FAM240B: variants seen among roughly 807,000 people sequenced by gnomAD.
FAM240B encodes protein FAM240B.
At chr9:38,710,802 T>C (rs1319027667) in intron 1 of FAM240B, among the ~76,000 whole-genome samples, 1 of 152,200 alleles carries the variant, frequency 6.6e-6, no homozygotes, top group African/African-American at 2.4e-5. Context: ...ATGCCTTTTA[T>C]TCTTCAAAGT....
chr9:38,718,194 A>T (rs911631616), intron 1 of FAM240B, among the ~76,000 whole-genome samples: 1 of 152,170 alleles, frequency 6.6e-6, no homozygotes, highest in African/African-American at 2.4e-5. Flanking sequence ...TGGACATTTG[A>T]ATTAATTCCT....
chr9:38,709,981 T>C (rs1161505555), intron 1 of FAM240B, among the ~76,000 whole-genome samples: 1 of 152,152 alleles, frequency 6.6e-6, no homozygotes, highest in Admixed American at 6.5e-5. Context: ...TGTCTTTTTG[T>C]TGTTGTTGAG....
At chr9:38,714,382 A>G (rs1001086584) in intron 1 of FAM240B, among the ~76,000 whole-genome samples, 1 of 152,226 alleles carries the variant, frequency 6.6e-6, no homozygotes. Context: ...CATCAAAGAT[A>G]TGTCTCTAAA....
chr9:38,695,826 G>A (rs1051784740), intron 2 of FAM240B, among the ~76,000 whole-genome samples: 9 of 152,194 alleles, frequency 5.9e-5, no homozygotes, highest in African/African-American at 2.2e-4. Flanking sequence ...CATCATCAAG[G>A]CAGTGAACAA....
chr9:38,703,351 T>C (rs1821151965), intron 2 of FAM240B, among the ~76,000 whole-genome samples: 1 of 152,202 alleles, frequency 6.6e-6, no homozygotes, highest in Non-Finnish European at 1.5e-5. Context: ...AGCCACCTCC[T>C]TGTCTAACTC....
At chr9:38,698,617 C>T (rs1463248359) in intron 2 of FAM240B, among the ~76,000 whole-genome samples, 1 of 152,180 alleles carries the variant, frequency 6.6e-6, no homozygotes, top group African/African-American at 2.4e-5. Flanking sequence ...ATTTTTCATT[C>T]ACAGGTGCTT....
chr9:38,701,573 A>G (rs547123421), intron 2 of FAM240B, among the ~76,000 whole-genome samples: 1 of 152,176 alleles, frequency 6.6e-6, no homozygotes, highest in Non-Finnish European at 1.5e-5. Context: ...CTCGAGGCTG[A>G]AGGAGAGACC....
chr9:38,701,452 AG>A (rs1298633692), intron 2 of FAM240B, among the ~76,000 whole-genome samples: 1 of 152,144 alleles, frequency 6.6e-6, no homozygotes, highest in Non-Finnish European at 1.5e-5. Flanking sequence ...TTTTTTGTTC[AG>A]CAAAAATAAC....
intron 2 of FAM240B, among the ~76,000 whole-genome samples, chr9:38,696,173 C>T (rs1022596393): frequency 3.9e-5 from 6 of 152,044 alleles, no homozygotes; most frequent in Non-Finnish European, 2.9e-5. Context: ...GCACATATTA[C>T]AGGAAAATCA....
intron 2 of FAM240B, among the ~76,000 whole-genome samples, chr9:38,701,325 TGCTCA>T (rs1821124950): frequency 6.6e-6 from 1 of 152,184 alleles, no homozygotes; most frequent in South Asian, 2.1e-4. Flanking sequence ...TCAAACTATT[TGCTCA>T]GCTCAGCGGG....
intron 1 of FAM240B, among the ~76,000 whole-genome samples, chr9:38,704,887 C>A (rs562497003): frequency 6.6e-6 from 1 of 152,244 alleles, no homozygotes. Context: ...GAACCTAGGT[C>A]TGTCCATCTT....
intron 2 of FAM240B, among the ~76,000 whole-genome samples, chr9:38,698,530 A>G (rs1488615633): frequency 6.6e-6 from 1 of 152,240 alleles, no homozygotes; most frequent in Non-Finnish European, 1.5e-5. Flanking sequence ...ACTTGTAAAC[A>G]TATGTATGTA....
chr9:38,710,025 A>G (rs1821236261), intron 1 of FAM240B, among the ~76,000 whole-genome samples: 1 of 152,176 alleles, frequency 6.6e-6, no homozygotes, highest in South Asian at 2.1e-4. Flanking sequence ...GCTGGAGTGC[A>G]GTGGCTCGAT....
intron 1 of FAM240B, among the ~76,000 whole-genome samples, chr9:38,712,960 C>A (rs1202470008): frequency 6.6e-6 from 1 of 152,168 alleles, no homozygotes; most frequent in Non-Finnish European, 1.5e-5. Flanking sequence ...AAAATAAAGA[C>A]TAGTTAGCAT....
chr9:38,705,368 T>C (rs1368602471), intron 1 of FAM240B: 1 of 152,348 alleles, frequency 6.6e-6, no homozygotes, highest in Non-Finnish European at 1.5e-5. Context: ...GGCGGGCGGA[T>C]CACGAGGTCA....
chr9:38,709,954 C>T (rs1005264569), intron 1 of FAM240B, among the ~76,000 whole-genome samples: 1 of 152,094 alleles, frequency 6.6e-6, no homozygotes, highest in African/African-American at 2.4e-5. Flanking sequence ...TTCAGGGGAG[C>T]GTGTATGTGC....
intron 1 of FAM240B, among the ~76,000 whole-genome samples, chr9:38,710,958 C>A (rs911893575): frequency 2.6e-5 from 4 of 152,082 alleles, no homozygotes; most frequent in Non-Finnish European, 4.4e-5. Context: ...CTCCCAAGCC[C>A]GTGTCATCAC....
chr9:38,707,604 T>TA lies in FAM240B; in HGVS notation c.-3-3603dup, dbSNP rs1389678737. On this transcript the variant is annotated intron_variant, in intron 1 of 2. Coordinates refer to ENST00000637493, the MANE Select transcript of FAM240B (RefSeq NM_001394922.1). ...TTACACGATGAAACCCCGTCTCTAC[T>TA]AAAAAAAACAAAAAAAAAAAACAAA... Among the ~76,000 whole-genome samples, 111 of 104,210 alleles carry TA rather than the reference T, an allele frequency of 1.1e-3. 1 individual carries two copies. The highest frequency in any genetic ancestry group is 2.9e-3 in the African/African-American group (90 of 30,968). 68.4% of individuals were successfully genotyped at this position (104,210 alleles called of 152,430 possible). A position where few individuals can be genotyped will look rare whatever the true frequency, so the allele number is the denominator to read the frequency against.
rs141957575 is a variant in FAM240B at position 38,700,138 on chromosome 9, A to G, written c.143+3719T>C. The stretch of plus-strand genomic sequence containing the variant: ...ACTCAGTTTACCAGCTGCATTTCCT[A>G]TCCTTTCAGTTTGAATGAAAAATCT... On this transcript the variant is annotated intron_variant, in intron 2 of 2. Coordinates refer to ENST00000637493, the MANE Select transcript of FAM240B (RefSeq NM_001394922.1). Among the ~76,000 whole-genome samples the G allele has an allele frequency of 1.5e-4, 23 of 152,306 alleles. No individual in the cohort carries two copies. In the East Asian group the frequency reaches 4.4e-3, roughly 29 times the overall value.
Sources: allele counts gnomAD v4.1 joint callset (sites outside exome capture counted in the v4.1 genomes callset), GRCh38; gene constraint gnomAD v4.1.1; transcripts MANE v1.5; gene names NCBI Gene and HGNC (gene_info 2026-07-23, HGNC 2026-07-21).